KLHL13: variants seen among roughly 807,000 people sequenced by gnomAD.
KLHL13 encodes the protein kelch-like protein 13.
KLHL13 carries 10 observed loss-of-function variants against 37.1 expected under a neutral mutation model. The ratio of observed to expected loss-of-function variants is 0.27; its 90% CI spans 0.17 to 0.46. KLHL13 has a LOEUF of 0.46. Ranked by LOEUF, KLHL13 falls within the 20% of genes least tolerant of loss-of-function variation. The pLI is 1.00. For synonymous variants in KLHL13, 163 were observed against 181.2 expected, an observed-to-expected ratio of 0.90 and a Z score of 0.81; for missense variants, 360 against 509.3, an observed-to-expected ratio of 0.71 and a Z score of 2.82.
chrX:118,030,901 T>C (rs925150142), intron 1 of KLHL13, among the ~76,000 whole-genome samples: 3 of 111,991 alleles, frequency 2.7e-5, no homozygotes, highest in African/African-American at 9.7e-5. Flanking sequence ...ATGTACTCTG[T>C]TATAGCAGCA....
chrX:118,113,538 C>CT (rs2055435952), intron 1 of KLHL13, among the ~76,000 whole-genome samples: 1 of 112,160 alleles, frequency 8.9e-6, no homozygotes, highest in South Asian at 3.7e-4. Flanking sequence ...TTTTTCCCCC[C>CT]TCAAGGCCTT....
chrX:117,912,406 T>C (rs1931050536), intron 4 of KLHL13, among the ~76,000 whole-genome samples: 1 of 111,792 alleles, frequency 8.9e-6, no homozygotes, highest in African/African-American at 3.2e-5. Flanking sequence ...CAGAGCAAGA[T>C]TAAAGATTAA....
At chrX:118,106,544 C>A (rs1351456011) in intron 1 of KLHL13, among the ~76,000 whole-genome samples, 1 of 111,403 alleles carries the variant, frequency 9.0e-6, no homozygotes, top group Non-Finnish European at 1.9e-5. Context: ...TAATATATTT[C>A]ATCAATATAG....
intron 1 of KLHL13, among the ~76,000 whole-genome samples, chrX:118,082,469 C>G (rs1430335159): frequency 9.0e-6 from 1 of 110,907 alleles, no homozygotes; most frequent in Non-Finnish European, 1.9e-5. Context: ...TTCTTTTTTG[C>G]TATTGAGTTG....
exon 7 of KLHL13, chrX:117,899,174 T>C (rs745595960): frequency 3.3e-6 from 4 of 1,209,777 alleles, no homozygotes; most frequent in Non-Finnish European, 4.5e-6. Flanking sequence ...GCAATTGGGG[T>C]CCACTGGTCA....
intron 1 of KLHL13, among the ~76,000 whole-genome samples, chrX:117,988,742 T>C (rs765630455): frequency 4.5e-5 from 5 of 111,988 alleles, no homozygotes; most frequent in African/African-American, 6.5e-5. Context: ...CCAATCCTAA[T>C]TGAATGAATC....
At chrX:118,044,508 A>G (rs1366624706) in intron 1 of KLHL13, among the ~76,000 whole-genome samples, 1 of 110,987 alleles carries the variant, frequency 9.0e-6, no homozygotes, top group Non-Finnish European at 1.9e-5. Flanking sequence ...TACAGTAACC[A>G]AAACAGCATG....
At chrX:118,116,870 G>A (rs1254340472), upstream of KLHL13, 1 of 92,172 alleles carries the variant, frequency 1.1e-5, no homozygotes, top group Non-Finnish European at 2.2e-5. Context: ...GGCAGTGGGG[G>A]GGGGAGCGCG....
chrX:117,979,806 TAAATA>T (rs3071303), intron 1 of KLHL13, among the ~76,000 whole-genome samples: 17,326 of 110,505 alleles, frequency 0.16, 1,304 homozygotes, highest in East Asian at 0.32. Flanking sequence ...TATACTTTCT[TAAATA>T]AAATAAATAT....
intron 5 of KLHL13, among the ~76,000 whole-genome samples, chrX:117,906,445 T>C (rs778848601): frequency 9.0e-6 from 1 of 111,640 alleles, no homozygotes; most frequent in Admixed American, 9.6e-5. Flanking sequence ...CAAGTTTGGT[T>C]ACCTCCGTAA....
At chrX:117,905,581 T>C (rs1930458625) in intron 5 of KLHL13, among the ~76,000 whole-genome samples, 1 of 111,833 alleles carries the variant, frequency 8.9e-6, no homozygotes, top group Admixed American at 9.5e-5. Context: ...TTGGTCCAAG[T>C]ACCCCATGGA....
At chrX:118,072,164 G>A (rs1342620631) in intron 1 of KLHL13, among the ~76,000 whole-genome samples, 140 of 109,838 alleles carry the variant, frequency 1.3e-3, no homozygotes, top group African/African-American at 4.6e-3. Flanking sequence ...AGAGCCCTCA[G>A]AAATAACGCC....
chrX:118,061,206 A>G (rs1643881216), intron 1 of KLHL13, among the ~76,000 whole-genome samples: 1 of 111,957 alleles, frequency 8.9e-6, no homozygotes, highest in African/African-American at 3.2e-5. Flanking sequence ...GCAAGCATAT[A>G]CATTTAGCTA....
chrX:117,924,815 A>G (rs1931916991), intron 2 of KLHL13, among the ~76,000 whole-genome samples: 1 of 109,645 alleles, frequency 9.1e-6, no homozygotes, highest in Admixed American at 9.7e-5. Context: ...ATCTTCCTTT[A>G]TTTTCTTCTC....
At chrX:117,919,059 T>C (rs1458405764) in intron 4 of KLHL13, among the ~76,000 whole-genome samples, 1 of 111,170 alleles carries the variant, frequency 9.0e-6, no homozygotes, top group African/African-American at 3.3e-5. Flanking sequence ...GTCTCACTCT[T>C]GTTGCCCAGG....
Position 118,051,992 on chromosome X carries a change from C to A in KLHL13, c.-56+64516G>T, listed in dbSNP as rs769836056. Among the ~76,000 whole-genome samples the A allele has an allele frequency of 1.4e-4, 15 of 111,006 alleles. No individual in the cohort carries two copies. In the East Asian group the frequency reaches 4.2e-3, roughly 31 times the overall value. On this transcript the variant is annotated intron_variant, in intron 1 of 6. Transcript: ENST00000371882. ...ATATAGTAACTATTACAGTGTGGTACTAGTGTGGGAACAGACAGAGGAATG... is the reference window on the plus strand; with the variant it reads ...ATATAGTAACTATTACAGTGTGGTAATAGTGTGGGAACAGACAGAGGAATG...
At chrX:117,922,706 T>C (rs1931785893) in intron 2 of KLHL13, among the ~76,000 whole-genome samples, 1 of 112,002 alleles carries the variant, frequency 8.9e-6, no homozygotes, top group Non-Finnish European at 1.9e-5. Flanking sequence ...GGAGAAAACG[T>C]TGGCTCCCAA....
rs185407605 is a variant in KLHL13, at chrX:118,047,089, G to A, written c.-56+69419C>T. ...TCAAACAAGTAAGAGAAGGGGGGAT[G>A]ATTGAATAAGTGATTTCAGGACAAC... is the stretch of plus-strand genomic sequence containing the variant. On this transcript the variant is annotated intron_variant, in intron 1 of 6. Transcript: ENST00000371882. Among the ~76,000 whole-genome samples the A allele has an allele frequency of 1.4e-3, 161 of 111,815 alleles. 1 individual carries two copies. The highest frequency in any genetic ancestry group is 5.1e-3 in the African/African-American group (156 of 30,826).
At chrX:118,115,643 C>A (rs1370070320) in intron 1 of KLHL13, among the ~76,000 whole-genome samples, 1 of 112,430 alleles carries the variant, frequency 8.9e-6, no homozygotes, top group Non-Finnish European at 1.9e-5. Flanking sequence ...CGATTAACAT[C>A]CTAGTTTACA....
Sources: gnomAD v4.1 joint callset for allele counts (sites outside exome capture counted in the v4.1 genomes callset) on GRCh38, gnomAD v4.1.1 for gene constraint, MANE v1.5 for transcripts, NCBI Gene and HGNC (gene_info 2026-07-23, HGNC 2026-07-21) for gene names.